Variants in CEP85L observed in about 807,000 individuals in gnomAD.
The protein encoded by CEP85L is centrosomal protein 85L, also known as centrosomal protein of 85 kDa-like.
A neutral mutation model predicts 100.3 loss-of-function variants in CEP85L; 60 were observed. The observed-to-expected ratio is 0.60, with a 90% confidence interval of 0.49 to 0.74. The LOEUF (loss-of-function observed/expected upper bound fraction) is 0.74, where lower values mean the gene tolerates loss of function less well. Among genes scored for constraint, CEP85L ranks in the 30% least tolerant of loss-of-function variants. The probability of loss-of-function intolerance (pLI) is 0.00; values close to 1 mark genes in which losing one functional copy is unlikely to be tolerated. For synonymous variants in CEP85L, 319 were observed against 322.7 expected, an observed-to-expected ratio of 0.99 and a Z score of 0.12; for missense variants, 973 against 936.2, an observed-to-expected ratio of 1.04 and a Z score of -0.51.
intron 1 of CEP85L, among the ~76,000 whole-genome samples, chr6:118,695,122 T>G (rs1777165516): frequency 6.6e-6 from 1 of 152,194 alleles, no homozygotes; most frequent in Non-Finnish European, 1.5e-5. Flanking sequence ...TTTAATCCAA[T>G]AGCATAAACC....
chr6:118,697,708 C>T (rs893076271), intron 1 of CEP85L, among the ~76,000 whole-genome samples: 1 of 152,168 alleles, frequency 6.6e-6, no homozygotes, highest in Non-Finnish European at 1.5e-5. Context: ...GAAGAGCCAT[C>T]AGTATATGAA....
At chr6:118,501,533 A>G (rs1775301498) in intron 5 of CEP85L, 1 of 498,264 alleles carries the variant, frequency 2.0e-6, no homozygotes. Flanking sequence ...TAAACACCCA[A>G]TGGATCTCAG....
Position 118,483,787 on chromosome 6 carries a change from T to C in CEP85L, c.1509A>G (p.Glu503=). 6.2e-7 allele frequency: 1 copy of C among 1,613,938 alleles called. No homozygotes were observed. The highest frequency in any genetic ancestry group is 1.7e-4 in the Middle Eastern group (1 of 6,060). ...KCQKESEQNK[E]KQRRIETLEK... ...CCAAGGTCTCAATTCTTCTCTGCTT[T>C]TCTTTGTTTTGTTCAGATTCCTTCT... Residue 503 remains glutamate, a synonymous_variant, in exon 7 of 13, where the codon GAA becomes GAG. Transcript: ENST00000368491.
chr6:118,543,318 CTT>C (rs1375830602), intron 3 of CEP85L, among the ~76,000 whole-genome samples: 1 of 152,122 alleles, frequency 6.6e-6, no homozygotes, highest in African/African-American at 2.4e-5. Context: ...TTTATTCTCT[CTT>C]CTTTCAACTT....
chr6:118,669,511 A>G (rs1238020529), intron 1 of CEP85L, among the ~76,000 whole-genome samples: 2 of 152,194 alleles, frequency 1.3e-5, no homozygotes, highest in African/African-American at 4.8e-5. Context: ...CAACTGGGAA[A>G]CAAACTAAAC....
At chr6:118,618,503 T>C (rs1335994001) in intron 2 of CEP85L, among the ~76,000 whole-genome samples, 1 of 152,242 alleles carries the variant, frequency 6.6e-6, no homozygotes, top group Non-Finnish European at 1.5e-5. Context: ...ATTTTCTTCA[T>C]TGTTCCCCAG....
At chr6:118,551,972 T>A (rs1320194542) in intron 3 of CEP85L, among the ~76,000 whole-genome samples, 1 of 152,012 alleles carries the variant, frequency 6.6e-6, no homozygotes, top group East Asian at 1.9e-4. Flanking sequence ...ATATGCACAT[T>A]CACTTATGGC....
At chr6:118,469,919 T>C (rs1429277665) in intron 11 of CEP85L, among the ~76,000 whole-genome samples, 2 of 152,148 alleles carry the variant, frequency 1.3e-5, no homozygotes, top group Non-Finnish European at 2.9e-5. Flanking sequence ...TATTTTTCTA[T>C]AATGAGATTT....
At chr6:118,525,631 G>A (rs923500371) in intron 3 of CEP85L, among the ~76,000 whole-genome samples, 1 of 152,200 alleles carries the variant, frequency 6.6e-6, no homozygotes, top group African/African-American at 2.4e-5. Context: ...AGCTAGGAGA[G>A]AGGCATGGGA....
intron 1 of CEP85L, 104 bp downstream of exon 1, chr6:118,651,093 G>A (rs1775522730): frequency 1.5e-6 from 2 of 1,371,160 alleles, no homozygotes; most frequent in Admixed American, 3.9e-5. Flanking sequence ...GGAGGCGGCC[G>A]GGGTAAGACA....
chr6:118,561,978 T>C (rs79517490), intron 3 of CEP85L, among the ~76,000 whole-genome samples: 4,407 of 152,280 alleles, frequency 0.029, 105 homozygotes, highest in African/African-American at 0.056. Flanking sequence ...GCTCTTCTGC[T>C]AAGTAACAGC....
At chr6:118,500,980 T>C (rs1292055479) in intron 5 of CEP85L, among the ~76,000 whole-genome samples, 1 of 152,210 alleles carries the variant, frequency 6.6e-6, no homozygotes, top group Non-Finnish European at 1.5e-5. Context: ...CTTATTTTTG[T>C]CCTCTTCAAT....
intron 2 of CEP85L, among the ~76,000 whole-genome samples, chr6:118,615,945 C>G (rs1356822822): frequency 3.3e-5 from 5 of 152,112 alleles, no homozygotes; most frequent in African/African-American, 4.8e-5. Flanking sequence ...TGATTTAAAT[C>G]TGTATCCTTT....
chr6:118,655,932 G>T (rs1009294068), upstream of CEP85L, among the ~76,000 whole-genome samples: 1 of 152,218 alleles, frequency 6.6e-6, no homozygotes, highest in Non-Finnish European at 1.5e-5. Flanking sequence ...GAAGTAAAGA[G>T]CTAGAATTCA....
chr6:118,699,074 C>G (rs1332200747), intron 1 of CEP85L, among the ~76,000 whole-genome samples: 1 of 152,068 alleles, frequency 6.6e-6, no homozygotes, highest in Non-Finnish European at 1.5e-5. Flanking sequence ...GTGGACCACT[C>G]TAAGTATTTT....
chr6:118,650,021 T>C (rs1009475636), intron 1 of CEP85L, among the ~76,000 whole-genome samples: 4 of 152,224 alleles, frequency 2.6e-5, no homozygotes, highest in Non-Finnish European at 5.9e-5. Flanking sequence ...TTTTTTTAAA[T>C]AGCAGAAAAT....
intron 1 of CEP85L, 70 bp downstream of exon 1, chr6:118,651,127 C>T (rs1775525553): frequency 7.0e-7 from 1 of 1,435,618 alleles, no homozygotes; most frequent in South Asian, 1.4e-5. Flanking sequence ...AGGGGAGCGG[C>T]GGCGAGGTCC....
chr6:118,609,935 T>G (rs1327877814), intron 2 of CEP85L, among the ~76,000 whole-genome samples: 1 of 151,702 alleles, frequency 6.6e-6, no homozygotes, highest in Non-Finnish European at 1.5e-5. Context: ...AGGGTGGCAG[T>G]AGAAATATCA....
Position 118,639,321 on chromosome 6 carries a change from T to C in CEP85L, c.74-6710A>G, listed in dbSNP as rs1774714220. ...CTTCTAGAATCAAGCATGTTTATGT[T>C]ATTCTTCTACTTACATAGATCTGTG... On this transcript the variant is annotated intron_variant, in intron 1 of 12. Coordinates refer to ENST00000368491, the MANE Select transcript of CEP85L (RefSeq NM_001042475.3). 2.0e-5 allele frequency among the ~76,000 whole-genome samples: 3 copies of C among 152,344 alleles called. No individual in the cohort carries two copies. In the South Asian group the frequency reaches 6.2e-4, roughly 32 times the overall value.
Sources: allele counts gnomAD v4.1 joint callset (sites outside exome capture counted in the v4.1 genomes callset), GRCh38; gene constraint gnomAD v4.1.1; transcripts MANE v1.5; gene names NCBI Gene and HGNC (gene_info 2026-07-23, HGNC 2026-07-21).